COL23A1: variants seen among roughly 807,000 people sequenced by gnomAD.
COL23A1 encodes collagen alpha-1(XXIII) chain.
Under a neutral mutation model 99.3 loss-of-function variants are expected in COL23A1, and 97 were observed. The ratio of observed to expected loss-of-function variants is 0.98; its 90% CI spans 0.83 to 1.16. The LOEUF (loss-of-function observed/expected upper bound fraction) is 1.16. COL23A1 is among the 50% of genes most tolerant of loss of function. The probability of loss-of-function intolerance (pLI) is 0.00; values close to 1 mark genes in which losing one functional copy is unlikely to be tolerated. For synonymous variants in COL23A1, 320 were observed against 308.2 expected (o/e 1.04, Z -0.40); for missense variants, 762 against 757.4 (o/e 1.01, Z -0.07).
chr5:178,516,371 C>T (rs139179456), intron 2 of COL23A1, among the ~76,000 whole-genome samples: 40 of 152,366 alleles, frequency 2.6e-4, no homozygotes, highest in Middle Eastern at 6.8e-3. Flanking sequence ...CAGATGCCAA[C>T]GTGCCCAAAG....
intron 2 of COL23A1, among the ~76,000 whole-genome samples, chr5:178,556,394 G>A (rs71611439): frequency 3.4e-4 from 51 of 152,082 alleles, no homozygotes; most frequent in Non-Finnish European, 5.9e-4. Flanking sequence ...AGGCCGAGGC[G>A]GGTGTATCAC....
rs965661958 is a variant in COL23A1, at chr5:178,428,133, A to G, written c.362-121214T>C. Among the ~76,000 whole-genome samples, 11 of 152,160 alleles carry G rather than the reference A, an allele frequency of 7.2e-5. No individual in the cohort carries two copies. The highest frequency in any genetic ancestry group is 6.5e-4 in the Admixed American group (10 of 15,278). ...AGGGTATCATCAAAAGCCCACATCT[A>G]TGCTCACTGGCTCAGATATCACAGG... On this transcript the variant is annotated intron_variant, in intron 2 of 28. Transcript: ENST00000390654. This position sits in a 1 kb window ranked among gnomAD's most constrained non-coding sequence, Gnocchi z 5.0.
chr5:178,563,258 C>A (rs1405517787), intron 1 of COL23A1, among the ~76,000 whole-genome samples: 1 of 152,210 alleles, frequency 6.6e-6, no homozygotes. Context: ...TTGGATGGAG[C>A]TGCCCAGCTG....
At chr5:178,445,978 C>T (rs1277287268) in intron 2 of COL23A1, among the ~76,000 whole-genome samples, 1 of 151,986 alleles carries the variant, frequency 6.6e-6, no homozygotes, top group African/African-American at 2.4e-5. Flanking sequence ...AAAAAAGTTA[C>T]ACAAATAATT....
At chr5:178,501,393 G>A (rs959537949) in intron 2 of COL23A1, among the ~76,000 whole-genome samples, 2 of 152,050 alleles carry the variant, frequency 1.3e-5, no homozygotes, top group Admixed American at 6.6e-5. Flanking sequence ...GACCAGCCTG[G>A]TCAACATGAT....
chr5:178,344,847 C>T (rs1377700269), intron 2 of COL23A1: 5 of 744,208 alleles, frequency 6.7e-6, no homozygotes, highest in East Asian at 4.0e-5. Context: ...TTGAAGATGG[C>T]GGGGCGATCT....
At chr5:178,458,627 ACT>A (rs1415569313) in intron 2 of COL23A1, among the ~76,000 whole-genome samples, 72 of 112,892 alleles carry the variant, frequency 6.4e-4, no homozygotes, top group African/African-American at 2.1e-3. Flanking sequence ...ACACAGCAAG[ACT>A]CTGTCTCCAA....
chr5:178,325,760 T>C lies in COL23A1; in HGVS notation c.362-18841A>G, dbSNP rs528326190. On this transcript the variant is annotated intron_variant, in intron 2 of 28. Coordinates refer to ENST00000390654, the MANE Select transcript of COL23A1 (RefSeq NM_173465.4). ...TGCTAAACAGGACCAAGGTGGACAT[T>C]CACCAATGACCATGCAAAGAGGCTC... is the stretch of plus-strand genomic sequence containing the variant. Among the ~76,000 whole-genome samples the C allele has an allele frequency of 5.7e-4, 87 of 152,322 alleles. 1 individual carries two copies. In the South Asian group the frequency reaches 0.018, roughly 31 times the overall value.
At chr5:178,553,653 G>A (rs766818734) in intron 2 of COL23A1, among the ~76,000 whole-genome samples, 13 of 152,326 alleles carry the variant, frequency 8.5e-5, no homozygotes, top group South Asian at 2.1e-4. Context: ...ACAGCGTGAC[G>A]GGCAGAAGCC....
intron 4 of COL23A1, among the ~76,000 whole-genome samples, chr5:178,289,010 C>T (rs1230679333): frequency 2.0e-5 from 3 of 152,130 alleles, no homozygotes; most frequent in African/African-American, 4.8e-5. Context: ...TAGCCCCCGG[C>T]GTTAGGTACT....
At chr5:178,291,137 C>T (rs1757435327) in intron 3 of COL23A1, among the ~76,000 whole-genome samples, 1 of 152,160 alleles carries the variant, frequency 6.6e-6, no homozygotes, top group Admixed American at 6.5e-5. Context: ...AGGAGGTCTC[C>T]CAACTCTACC....
At chr5:178,359,006 G>T (rs556788339) in intron 2 of COL23A1, among the ~76,000 whole-genome samples, 1 of 152,264 alleles carries the variant, frequency 6.6e-6, no homozygotes, top group South Asian at 2.1e-4. Context: ...TCTAATAAAA[G>T]GCTTCTGATT....
At chr5:178,475,327 T>G (rs1417874924) in intron 2 of COL23A1, among the ~76,000 whole-genome samples, 1 of 152,126 alleles carries the variant, frequency 6.6e-6, no homozygotes, top group Non-Finnish European at 1.5e-5. Flanking sequence ...TGATGGGTGC[T>G]GGCATGTCCA....
chr5:178,295,523 A>G (rs1468028885), intron 3 of COL23A1, among the ~76,000 whole-genome samples: 1 of 152,242 alleles, frequency 6.6e-6, no homozygotes, highest in East Asian at 1.9e-4. Context: ...CACCTCACAC[A>G]CTGGTGAGAG....
At chr5:178,446,904 G>T (rs1158697673) in intron 2 of COL23A1, among the ~76,000 whole-genome samples, 1 of 152,150 alleles carries the variant, frequency 6.6e-6, no homozygotes, top group Non-Finnish European at 1.5e-5. Context: ...TTAACAGGTT[G>T]AGAGAAAACC....
intron 2 of COL23A1, among the ~76,000 whole-genome samples, chr5:178,436,090 G>A (rs6422348): frequency 0.34 from 51,606 of 151,830 alleles, 14,136 homozygotes; most frequent in African/African-American, 0.76. Flanking sequence ...ACTGAGGCAC[G>A]AAGGATGCGC....
At chr5:178,291,794 C>T (rs558571733) in intron 3 of COL23A1, among the ~76,000 whole-genome samples, 33 of 151,988 alleles carry the variant, frequency 2.2e-4, no homozygotes, top group African/African-American at 7.5e-4. Flanking sequence ...AGATGGGGCT[C>T]GCACAGTAGC....
At position 178,393,261 on chromosome 5, in the gene COL23A1, G is replaced by A. The variant is rs141165621; in HGVS notation, c.362-86342C>T. Among the ~76,000 whole-genome samples, 1,426 of 152,218 alleles carry A rather than the reference G, an allele frequency of 9.4e-3. 23 individuals are homozygous for A. The highest frequency in any genetic ancestry group is 0.033 in the African/African-American group (1,351 of 41,512). ...CACGGATGGACCTTGAGGATGTTACGCTAAATGAAAGAAGCCACAAAGAAG... is the reference window on the plus strand; with the variant it reads ...CACGGATGGACCTTGAGGATGTTACACTAAATGAAAGAAGCCACAAAGAAG... On this transcript the variant is annotated intron_variant, in intron 2 of 28. Transcript: ENST00000390654.
chr5:178,508,508 C>T (rs1759006057), intron 2 of COL23A1, among the ~76,000 whole-genome samples: 1 of 152,206 alleles, frequency 6.6e-6, no homozygotes, highest in Non-Finnish European at 1.5e-5. Flanking sequence ...CATGACACCA[C>T]TCTGGCAGGA....
Sources: allele counts gnomAD v4.1 joint callset (sites outside exome capture counted in the v4.1 genomes callset), GRCh38; gene constraint gnomAD v4.1.1; non-coding constraint Gnocchi (gnomAD v3.1); transcripts MANE v1.5; gene names NCBI Gene and HGNC (gene_info 2026-07-23, HGNC 2026-07-21).